SLC1A6: variants seen among roughly 807,000 people sequenced by gnomAD.
SLC1A6 encodes solute carrier family 1 member 6, also known as excitatory amino acid transporter 4.
Under a neutral mutation model 42.1 loss-of-function variants are expected in SLC1A6, and 15 were observed. The ratio of observed to expected loss-of-function variants is 0.36; its 90% CI spans 0.24 to 0.55. SLC1A6 has a LOEUF of 0.55. Ranked by LOEUF, SLC1A6 falls within the 20% of genes least tolerant of loss-of-function variation. The probability of loss-of-function intolerance (pLI) is 0.88; values close to 1 mark genes in which losing one functional copy is unlikely to be tolerated. For synonymous variants in SLC1A6, 317 were observed against 319.7 expected (o/e 0.99, Z 0.09); for missense variants, 542 against 772.5 (o/e 0.70, Z 3.54).
At chr19:15,010,412 G>C (rs1318268922) in intron 1 of SLC1A6, 1 of 446,890 alleles carries the variant, frequency 2.2e-6, no homozygotes, top group Non-Finnish European at 4.4e-6. Context: ...GAAGCTGAAA[G>C]AAGGGCCATG....
chr19:14,992,479 G>A (rs1205368659), intron 1 of SLC1A6, among the ~76,000 whole-genome samples: 2 of 151,990 alleles, frequency 1.3e-5, no homozygotes, highest in Admixed American at 6.6e-5. Flanking sequence ...AGTGGCTCAC[G>A]CCTGTAATCC....
chr19:14,960,977 C>T (rs10410303), intron 6 of SLC1A6, among the ~76,000 whole-genome samples: 107,349 of 148,412 alleles, frequency 0.72, 39,149 homozygotes, highest in African/African-American at 0.83. Flanking sequence ...ACCCAGGCAA[C>T]CACAACTCAC....
intron 1 of SLC1A6, among the ~76,000 whole-genome samples, chr19:14,991,862 G>C (rs1306585388): frequency 6.6e-6 from 1 of 151,406 alleles, no homozygotes; most frequent in Non-Finnish European, 1.5e-5. Context: ...TTTCTAGAGG[G>C]AGTCTTGCTC....
In SLC1A6 at chr19:14,987,694, A is replaced by C. The variant is rs148732803; in HGVS notation, c.7-14777T>G. 7.2e-5 allele frequency among the ~76,000 whole-genome samples: 11 copies of C among 152,244 alleles called. 1 individual carries two copies. The East Asian group carries it at 2.1e-3, about 29-fold the overall frequency. On this transcript the variant is annotated intron_variant, in intron 1 of 8. Transcript: ENST00000430939. ...CAGCAAATGCAGAGACTCTGAGCAG[A>C]ATATGCCTGTGCTGTTTGAAGCCCA...
chr19:14,969,819 C>A (rs1346313642), intron 3 of SLC1A6, among the ~76,000 whole-genome samples: 1 of 152,198 alleles, frequency 6.6e-6, no homozygotes, highest in Non-Finnish European at 1.5e-5. Flanking sequence ...CACAACCATG[C>A]CCATTTGTTC....
intron 1 of SLC1A6, among the ~76,000 whole-genome samples, chr19:15,009,817 TA>T (rs779877328): frequency 4.6e-5 from 7 of 152,060 alleles, no homozygotes; most frequent in Non-Finnish European, 8.8e-5. Context: ...GCCCAAAAGT[TA>T]AAAAGTAAAC....
intron 1 of SLC1A6, among the ~76,000 whole-genome samples, chr19:15,006,129 C>T (rs1335903444): frequency 6.6e-6 from 1 of 152,180 alleles, no homozygotes; most frequent in Non-Finnish European, 1.5e-5. Context: ...CAAAAGTAAA[C>T]ACTTACATAA....
At chr19:14,955,351 G>A (rs994760392) in intron 7 of SLC1A6, among the ~76,000 whole-genome samples, 4 of 152,062 alleles carry the variant, frequency 2.6e-5, no homozygotes, top group African/African-American at 7.2e-5. Flanking sequence ...AGAGCGAGAC[G>A]GGCAGATCAC....
chr19:14,992,777 A>G (rs1484988731), intron 1 of SLC1A6, among the ~76,000 whole-genome samples: 3 of 152,138 alleles, frequency 2.0e-5, no homozygotes, highest in Admixed American at 1.3e-4. Flanking sequence ...TTAGGAGGGC[A>G]GGGCAGTGCA....
intron 1 of SLC1A6, chr19:14,977,204 G>C (rs1219533705): frequency 6.6e-6 from 1 of 152,256 alleles, no homozygotes; most frequent in East Asian, 1.9e-4. Context: ...CCCGAGGCTA[G>C]AGTTTTGTCC....
intron 1 of SLC1A6, among the ~76,000 whole-genome samples, chr19:14,988,895 T>C (rs1453873994): frequency 6.6e-6 from 1 of 152,126 alleles, no homozygotes; most frequent in East Asian, 1.9e-4. Context: ...GGTGCACACC[T>C]GTAGTCCTAG....
intron 1 of SLC1A6, among the ~76,000 whole-genome samples, chr19:14,986,501 C>A (rs372033160): frequency 1.4e-4 from 21 of 148,264 alleles, no homozygotes; most frequent in African/African-American, 5.0e-4. Flanking sequence ...CCAGCCTGGG[C>A]GGCAAGAGTG....
intron 3 of SLC1A6, among the ~76,000 whole-genome samples, chr19:14,970,108 C>T (rs558686702): frequency 1.2e-4 from 18 of 152,150 alleles, no homozygotes; most frequent in Non-Finnish European, 2.5e-4. Flanking sequence ...CAGGGTCTCA[C>T]CCTGTTGCTC....
At chr19:14,970,462 A>C (rs2045625494) in intron 3 of SLC1A6, among the ~76,000 whole-genome samples, 1 of 152,198 alleles carries the variant, frequency 6.6e-6, no homozygotes, top group Admixed American at 6.5e-5. Context: ...CTGTAATCCC[A>C]GCACTTTGGG....
rs1381836354 is a variant in SLC1A6 at position 14,979,052 on chromosome 19, A to ACT, written c.-8+256_-8+257insAG. Among the ~76,000 whole-genome samples, 15 of 23,318 alleles carry ACT rather than the reference A, an allele frequency of 6.4e-4. No individual in the cohort carries two copies. The highest frequency in any genetic ancestry group is 2.3e-3 in the African/African-American group (4 of 1,768). The allele number at this position is 23,318 out of a possible 152,430, so 15.3% of individuals were successfully genotyped here. On this transcript the variant is annotated intron_variant, in intron 1 of 9. Coordinates refer to ENST00000594383, the MANE Select transcript of SLC1A6 (RefSeq NM_005071.3). This position sits in a 1 kb window ranked among gnomAD's most constrained non-coding sequence, Gnocchi z 4.2. ...AATTCAGTCTCTCTCTCTCTCTGTC[A>ACT]CACACACACACACACACACACACAC...
chr19:15,010,194 AAAAG>A (rs1199456731), intron 1 of SLC1A6, among the ~76,000 whole-genome samples: 5,915 of 110,704 alleles, frequency 0.053, 143 homozygotes, highest in African/African-American at 0.1. Context: ...AAAAAAAAAA[AAAAG>A]AAAGAAAGAA....
intron 1 of SLC1A6, among the ~76,000 whole-genome samples, chr19:15,007,845 T>G (rs1446826604): frequency 2.0e-5 from 3 of 151,710 alleles, no homozygotes; most frequent in Non-Finnish European, 2.9e-5. Flanking sequence ...GCTAACATGG[T>G]GAAACCCCAT....
Position 14,954,319 on chromosome 19 carries a change from G to A in SLC1A6, c.1180C>T (p.Leu394=), listed in dbSNP as rs765658262. ...AMGTSSSSAT[L]PITFRCLEEG... is the part of the protein sequence containing the mutation. ...TCCAGGCAGCGGAAGGTGATGGGCA[G>A]CGTTGCCGAGCTGGGGGAAAGAGCC... The change falls in exon 8 of 10, where the codon CTG becomes TTG. Residue 394 remains leucine, a synonymous_variant. Coordinates refer to ENST00000594383, the MANE Select transcript of SLC1A6 (RefSeq NM_005071.3). 9 of 1,607,504 alleles carry A rather than the reference G, an allele frequency of 5.6e-6. No homozygotes were observed.
chr19:14,994,091 G>A (rs924134989), intron 1 of SLC1A6, among the ~76,000 whole-genome samples: 5 of 152,232 alleles, frequency 3.3e-5, no homozygotes, highest in South Asian at 2.1e-4. Flanking sequence ...GGCTCCACAC[G>A]AAATGATGCT....
Sources: allele counts gnomAD v4.1 joint callset (sites outside exome capture counted in the v4.1 genomes callset), GRCh38; gene constraint gnomAD v4.1.1; non-coding constraint Gnocchi (gnomAD v3.1); transcripts MANE v1.5; gene names NCBI Gene and HGNC (gene_info 2026-07-23, HGNC 2026-07-21).